The following CAMTA1 variants were observed in gnomAD, a reference collection of about 807,000 sequenced individuals.
The protein encoded by CAMTA1 is calmodulin binding transcription activator 1, also known as calmodulin-binding transcription activator 1.
Under a neutral mutation model 170.9 loss-of-function variants are expected in CAMTA1, and 27 were observed. The ratio of observed to expected loss-of-function variants is 0.16; its 90% CI spans 0.12 to 0.22. The LOEUF (loss-of-function observed/expected upper bound fraction) is 0.22, where lower values mean the gene tolerates loss of function less well. Among genes scored for constraint, CAMTA1 ranks in the 10% least tolerant of loss-of-function variants. The probability of loss-of-function intolerance (pLI) is 1.00; values close to 1 mark genes in which losing one functional copy is unlikely to be tolerated. For synonymous variants in CAMTA1, 833 were observed against 891.5 expected (o/e 0.93, Z 1.17); for missense variants, 1,619 against 2,217.2 (o/e 0.73, Z 5.42).
chr1:7,103,998 GA>G (rs1487819452), intron 4 of CAMTA1, among the ~76,000 whole-genome samples: 2 of 143,594 alleles, frequency 1.4e-5, no homozygotes, highest in African/African-American at 5.2e-5. Flanking sequence ...GTACACACAT[GA>G]ACACAACACA....
chr1:7,735,895 C>T (rs532307122), intron 12 of CAMTA1, among the ~76,000 whole-genome samples: 5 of 152,206 alleles, frequency 3.3e-5, no homozygotes, highest in African/African-American at 9.6e-5. Context: ...ACCTCAGCCT[C>T]CCGAGTAGCT....
At chr1:7,498,116 G>A (rs376780710) in intron 6 of CAMTA1, among the ~76,000 whole-genome samples, 6 of 152,082 alleles carry the variant, frequency 3.9e-5, no homozygotes, top group African/African-American at 9.7e-5. Context: ...GGGAGGAAAC[G>A]TCCCCTGCTC....
At chr1:6,925,564 G>A (rs1186866107) in intron 3 of CAMTA1, among the ~76,000 whole-genome samples, 2 of 152,132 alleles carry the variant, frequency 1.3e-5, no homozygotes, top group African/African-American at 4.8e-5. Flanking sequence ...GGAGTATGGG[G>A]AGGAGTGCGT....
At chr1:7,445,209 G>A (rs2092650112) in intron 5 of CAMTA1, among the ~76,000 whole-genome samples, 1 of 151,710 alleles carries the variant, frequency 6.6e-6, no homozygotes, top group South Asian at 2.1e-4. Flanking sequence ...AGAGAGGGAA[G>A]TACTGATGAA....
intron 4 of CAMTA1, among the ~76,000 whole-genome samples, chr1:7,212,684 G>A (rs1658997215): frequency 6.6e-6 from 1 of 152,078 alleles, no homozygotes; most frequent in Admixed American, 6.6e-5. Context: ...CTTGATGTTG[G>A]CACAATTAAG....
At chr1:7,247,964 A>G (rs1666072431) in intron 4 of CAMTA1, among the ~76,000 whole-genome samples, 1 of 152,212 alleles carries the variant, frequency 6.6e-6, no homozygotes, top group Non-Finnish European at 1.5e-5. Flanking sequence ...ATACAGACTT[A>G]GGGAGGAAAC....
chr1:7,319,468 C>T (rs1368406503), intron 5 of CAMTA1, among the ~76,000 whole-genome samples: 3 of 152,148 alleles, frequency 2.0e-5, no homozygotes, highest in Admixed American at 6.5e-5. Flanking sequence ...GTGCCTTCTG[C>T]CATGATTGTA....
At chr1:7,428,004 G>A (rs1050096959) in intron 5 of CAMTA1, among the ~76,000 whole-genome samples, 9 of 152,234 alleles carry the variant, frequency 5.9e-5, no homozygotes, top group African/African-American at 1.4e-4. Context: ...ACGTGCTGCT[G>A]CCACGGGAGG....
chr1:7,356,154 G>A (rs60258367), intron 5 of CAMTA1, among the ~76,000 whole-genome samples: 2 of 152,248 alleles, frequency 1.3e-5, no homozygotes, highest in South Asian at 2.1e-4. Flanking sequence ...GGCTTCAGCA[G>A]GCTTGCTGCT....
Position 7,044,072 on chromosome 1 carries a change from T to C in CAMTA1, c.235-47232T>C, listed in dbSNP as rs1160082774. On this transcript the variant is annotated intron_variant, in intron 3 of 22. Transcript: ENST00000303635. The surrounding 1 kb of genome is among the most constrained non-coding windows in gnomAD (Gnocchi z 5.0). ...GGCTGCCAGCGGAGGTCAGGAGCAG[T>C]GATCTACGGGAGATGCTGCCGCCAT... 1.3e-5 allele frequency among the ~76,000 whole-genome samples: 2 copies of C among 152,212 alleles called. No individual in the cohort carries two copies. Among genetic ancestry groups the C allele is most frequent in the Admixed American group, 6.5e-5 (1 of 15,284 alleles).
chr1:6,862,055 C>T (rs1003790874), intron 3 of CAMTA1, among the ~76,000 whole-genome samples: 6 of 151,916 alleles, frequency 3.9e-5, no homozygotes, highest in Non-Finnish European at 8.8e-5. Context: ...CCCTGCCTCC[C>T]GGGTTCAAGC....
intron 5 of CAMTA1, among the ~76,000 whole-genome samples, chr1:7,309,501 G>A (rs961742390): frequency 2.6e-5 from 4 of 151,052 alleles, no homozygotes; most frequent in South Asian, 2.1e-4. Context: ...GGGTTTCACC[G>A]TTTTAGCCGG....
At chr1:7,521,936 C>T (rs574911577) in intron 6 of CAMTA1, among the ~76,000 whole-genome samples, 2 of 152,288 alleles carry the variant, frequency 1.3e-5, no homozygotes, top group South Asian at 4.1e-4. Flanking sequence ...GAAGGACGTC[C>T]GGATGTTTCC....
At chr1:6,980,875 G>A (rs529739212) in intron 3 of CAMTA1, among the ~76,000 whole-genome samples, 2 of 152,198 alleles carry the variant, frequency 1.3e-5, no homozygotes, top group African/African-American at 2.4e-5. Flanking sequence ...TATTAGCAGT[G>A]TGAGAACAGA....
intron 22 of CAMTA1, among the ~76,000 whole-genome samples, chr1:7,763,817 A>G (rs1023037150): frequency 1.3e-5 from 2 of 152,212 alleles, no homozygotes; most frequent in Admixed American, 1.3e-4. Flanking sequence ...TGTTTATGCT[A>G]TCAGATTTTG....
At chr1:7,218,408 T>G (rs1413044496) in intron 4 of CAMTA1, among the ~76,000 whole-genome samples, 1 of 152,202 alleles carries the variant, frequency 6.6e-6, no homozygotes, top group East Asian at 1.9e-4. Context: ...CGTGTGATTT[T>G]TAGTTCAAGA....
intron 5 of CAMTA1, chr1:7,388,578 G>T (rs2088292917): frequency 6.6e-6 from 1 of 152,580 alleles, no homozygotes; most frequent in African/African-American, 2.4e-5. Context: ...GAAGCTAGAG[G>T]GGAGGCGGCC....
chr1:7,241,623 A>G (rs1664870510), intron 4 of CAMTA1, among the ~76,000 whole-genome samples: 2 of 152,246 alleles, frequency 1.3e-5, no homozygotes, highest in Admixed American at 1.3e-4. Context: ...GAGAAAGTTC[A>G]GAAATAAAAT....
chr1:6,868,156 C>G (rs1667244169), intron 3 of CAMTA1, among the ~76,000 whole-genome samples: 1 of 150,814 alleles, frequency 6.6e-6, no homozygotes, highest in African/African-American at 2.4e-5. Flanking sequence ...AGGTTAGTTT[C>G]TGCTGCAGAA....
Sources: allele counts gnomAD v4.1 joint callset (sites outside exome capture counted in the v4.1 genomes callset), GRCh38; gene constraint gnomAD v4.1.1; non-coding constraint Gnocchi (gnomAD v3.1); transcripts MANE v1.5; gene names NCBI Gene and HGNC (gene_info 2026-07-23, HGNC 2026-07-21).